Variants in GMDS observed in about 807,000 individuals in gnomAD.
GMDS encodes GDP-mannose 4,6 dehydratase.
Under a neutral mutation model 49.9 loss-of-function variants are expected in GMDS, and 20 were observed. The observed-to-expected ratio is 0.40, with a 90% confidence interval of 0.28 to 0.58. The LOEUF is 0.58. GMDS is among the 20% of genes least tolerant of loss of function. GMDS has a pLI of 0.42. For missense variants in GMDS, 362 were observed against 481.4 expected, an observed-to-expected ratio of 0.75 and a Z score of 2.32; for synonymous variants, 177 against 178.6, an observed-to-expected ratio of 0.99 and a Z score of 0.07.
chr6:1,837,820 G>C (rs1476864680), intron 7 of GMDS, among the ~76,000 whole-genome samples: 1 of 152,148 alleles, frequency 6.6e-6, no homozygotes, highest in African/African-American at 2.4e-5. Flanking sequence ...TTTCCCACAG[G>C]TCTGGACAGG....
intron 1 of GMDS, among the ~76,000 whole-genome samples, chr6:2,199,589 T>C (rs1779416444): frequency 6.6e-6 from 1 of 152,170 alleles, no homozygotes; most frequent in Admixed American, 6.5e-5. Flanking sequence ...CTTGGCGCCA[T>C]CTTTTCCACT....
intron 4 of GMDS, among the ~76,000 whole-genome samples, chr6:2,014,003 G>C (rs1310257349): frequency 7.0e-6 from 1 of 142,220 alleles, no homozygotes; most frequent in Non-Finnish European, 1.5e-5. Flanking sequence ...AGAGTATTTT[G>C]AAAGAAGCTT....
chr6:1,845,724 G>C (rs990858750), intron 7 of GMDS, among the ~76,000 whole-genome samples: 1 of 152,122 alleles, frequency 6.6e-6, no homozygotes, highest in Non-Finnish European at 1.5e-5. Flanking sequence ...TTTTCATAAG[G>C]AGCGCATAAC....
At chr6:1,719,759 T>C (rs1766307666) in intron 9 of GMDS, among the ~76,000 whole-genome samples, 1 of 152,234 alleles carries the variant, frequency 6.6e-6, no homozygotes, top group South Asian at 2.1e-4. Context: ...CTTTAGGTGA[T>C]GTACTTCAGA....
chr6:1,698,490 G>T (rs1455709870), intron 9 of GMDS, among the ~76,000 whole-genome samples: 1 of 152,208 alleles, frequency 6.6e-6, no homozygotes, highest in East Asian at 1.9e-4. Context: ...TGAGTATTTT[G>T]TGGTGGCTTC....
chr6:2,072,057 G>A (rs1274249802), intron 4 of GMDS, among the ~76,000 whole-genome samples: 2 of 152,158 alleles, frequency 1.3e-5, no homozygotes, highest in Non-Finnish European at 2.9e-5. Flanking sequence ...TGCCAGGCAG[G>A]GGCGTGTGTG....
chr6:1,985,876 A>C (rs1765515491), intron 4 of GMDS, among the ~76,000 whole-genome samples: 1 of 152,216 alleles, frequency 6.6e-6, no homozygotes, highest in African/African-American at 2.4e-5. Flanking sequence ...CTGGTCTTAA[A>C]ATCTAGCTTA....
At chr6:1,674,324 G>A (rs1198128116) in intron 9 of GMDS, among the ~76,000 whole-genome samples, 1 of 151,932 alleles carries the variant, frequency 6.6e-6, no homozygotes, top group Non-Finnish European at 1.5e-5. Flanking sequence ...TATCTTCTTT[G>A]GTGAGGTGTC....
Position 1,682,567 on chromosome 6 carries a change from T to TAGAAAGGGAAATCTGGATA in GMDS, c.987+43848_987+43849insTATCCAGATTTCCCTTTCT, listed in dbSNP as rs1196936148. 2.3e-3 allele frequency among the ~76,000 whole-genome samples: 44 copies of TAGAAAGGGAAATCTGGATA among 19,308 alleles called. 1 individual carries two copies. The highest frequency in any genetic ancestry group is 4.3e-3 in the South Asian group (2 of 466). 12.7% of individuals were successfully genotyped at this position (19,308 alleles called of 152,430 possible). Reference sequence around the variant, plus strand: ...CAGTGCTGATGGCCTTTCATTTTTTTTTTTTTTTTTTTTTTTTTTTGAGAC... The same window carrying TAGAAAGGGAAATCTGGATA: ...CAGTGCTGATGGCCTTTCATTTTTTTAGAAAGGGAAATCTGGATATTTTTTTTTTTTTTTTTTTTGAGAC... On this transcript the variant is annotated intron_variant, in intron 9 of 10. Transcript: ENST00000380815.
rs144146767 is a variant in GMDS, at chr6:2,217,878, G to A, written c.102+27443C>T. Among the ~76,000 whole-genome samples, 9 of 152,254 alleles carry A rather than the reference G, an allele frequency of 5.9e-5. No homozygotes were observed. The East Asian group carries it at 1.7e-3, about 29-fold the overall frequency. Reference sequence around the variant, plus strand: ...AGCCCTACACATCCTTCTTTTAAAGGAGTAAAGAAAAGATTAGTTTTGATC... The same window carrying A: ...AGCCCTACACATCCTTCTTTTAAAGAAGTAAAGAAAAGATTAGTTTTGATC... On this transcript the variant is annotated intron_variant, in intron 1 of 10. Coordinates refer to ENST00000380815, the MANE Select transcript of GMDS (RefSeq NM_001500.4).
At chr6:2,050,232 G>A (rs1459908769) in intron 4 of GMDS, among the ~76,000 whole-genome samples, 1 of 152,176 alleles carries the variant, frequency 6.6e-6, no homozygotes, top group Non-Finnish European at 1.5e-5. Context: ...ACTACCATCA[G>A]AGAATACTAT....
chr6:1,805,976 G>A (rs138034075), intron 7 of GMDS, among the ~76,000 whole-genome samples: 17 of 152,248 alleles, frequency 1.1e-4, no homozygotes, highest in African/African-American at 4.1e-4. Flanking sequence ...ATTGTGGTAA[G>A]TATATAAAAA....
chr6:2,168,243 T>C (rs1382956484), intron 1 of GMDS, among the ~76,000 whole-genome samples: 2 of 152,206 alleles, frequency 1.3e-5, no homozygotes, highest in Admixed American at 6.5e-5. Flanking sequence ...TCCTTAGCTC[T>C]CTGAGGGTCT....
At chr6:1,957,717 T>A (rs1415254405) in intron 6 of GMDS, among the ~76,000 whole-genome samples, 1 of 152,224 alleles carries the variant, frequency 6.6e-6, no homozygotes, top group Non-Finnish European at 1.5e-5. Context: ...AGGATAGGGC[T>A]GGCAGTTATC....
intron 1 of GMDS, among the ~76,000 whole-genome samples, chr6:2,170,530 C>T (rs548963034): frequency 2.4e-4 from 36 of 151,492 alleles, no homozygotes; most frequent in South Asian, 6.3e-4. Context: ...AGGAGGCTGA[C>T]GTGGGAGGAT....
intron 9 of GMDS, among the ~76,000 whole-genome samples, chr6:1,641,391 C>G (rs574656781): frequency 6.6e-6 from 1 of 152,342 alleles, no homozygotes; most frequent in Non-Finnish European, 1.5e-5. Flanking sequence ...AGCAGCACAG[C>G]CTGCGTCTCA....
chr6:1,754,054 T>C (rs752548705), intron 7 of GMDS, among the ~76,000 whole-genome samples: 2 of 151,902 alleles, frequency 1.3e-5, no homozygotes, highest in Non-Finnish European at 2.9e-5. Context: ...TGAAGGAGAT[T>C]AGAGACATGA....
intron 4 of GMDS, among the ~76,000 whole-genome samples, chr6:2,018,343 C>T (rs745387276): frequency 6.6e-5 from 10 of 152,310 alleles, no homozygotes; most frequent in Non-Finnish European, 7.4e-5. Flanking sequence ...ATATAATTAA[C>T]ATACCACGTA....
chr6:2,191,376 G>T lies in GMDS; in HGVS notation c.102+53945C>A, dbSNP rs1038444336. ...GCCCAGCAAGGACCTAGAGCCCCCA[G>T]GCTGCAAGGGGGCACAGCTGGGACT... On this transcript the variant is annotated intron_variant, in intron 1 of 10. Transcript: ENST00000380815. The surrounding 1 kb of genome is among the most constrained non-coding windows in gnomAD (Gnocchi z 4.6). 6.6e-6 allele frequency among the ~76,000 whole-genome samples: 1 copy of T among 152,160 alleles called. No homozygotes were observed. The highest frequency in any genetic ancestry group is 2.4e-5 in the African/African-American group (1 of 41,448).
Sources: gnomAD v4.1 joint callset for allele counts (sites outside exome capture counted in the v4.1 genomes callset) on GRCh38, gnomAD v4.1.1 for gene constraint, Gnocchi (gnomAD v3.1) non-coding constraint, MANE v1.5 for transcripts, NCBI Gene and HGNC (gene_info 2026-07-23, HGNC 2026-07-21) for gene names.